KIFC2: variants seen among roughly 807,000 people sequenced by gnomAD.
The protein encoded by KIFC2 is kinesin-like protein KIFC2.
KIFC2 carries 94 observed loss-of-function variants against 91.5 expected under a neutral mutation model. The observed-to-expected ratio is 1.03, with a 90% CI of 0.87 to 1.22. The LOEUF (loss-of-function observed/expected upper bound fraction) is 1.22. Among genes scored for constraint, KIFC2 ranks in the 50% most tolerant of loss-of-function variants. KIFC2 has a pLI of 0.00. For synonymous variants in KIFC2, 729 were observed against 503.9 expected, an observed-to-expected ratio of 1.45 and a Z score of -5.98; for missense variants, 1,357 against 1,103.3, an observed-to-expected ratio of 1.23 and a Z score of -3.26.
intron 10 of KIFC2, among the ~76,000 whole-genome samples, 176 bp downstream of exon 10, chr8:144,469,010 A>G (rs1278790252): frequency 6.6e-6 from 1 of 152,098 alleles, no homozygotes; most frequent in Non-Finnish European, 1.5e-5. Flanking sequence ...TTCTATGCAT[A>G]CTTGGTTGAC....
At chr8:144,472,071 G>A in intron 13 of KIFC2, 25 bp downstream of exon 13, 1 of 1,613,400 alleles carries the variant, frequency 6.2e-7, no homozygotes, top group Admixed American at 1.7e-5. Flanking sequence ...ACGCCCCAGT[G>A]GGAGAGGCCC....
chr8:144,470,077 C>A (rs1487479966), intron 12 of KIFC2, among the ~76,000 whole-genome samples: 1 of 152,262 alleles, frequency 6.6e-6, no homozygotes, highest in Non-Finnish European at 1.5e-5. Flanking sequence ...CCAGCCCACC[C>A]CACTTTCACA....
chr8:144,470,535 A>G lies in KIFC2; in HGVS notation c.1380+888A>G, dbSNP rs181168100. 291 of 152,394 alleles carry G rather than the reference A, an allele frequency of 1.9e-3. 1 individual carries two copies. Among genetic ancestry groups the G allele is most frequent in the Non-Finnish European group, 2.5e-3 (173 of 68,046 alleles). The allele number at this position is 152,394 out of a possible 1,614,324, so 9.4% of individuals were successfully genotyped here. ...ATCCAATCATGGAACCTCAGTGACC[A>G]CACAGAACACAGAATTCTAGATTCT... is the stretch of plus-strand genomic sequence containing the variant. On this transcript the variant is annotated intron_variant, in intron 12 of 17. Transcript: ENST00000645548.
chr8:144,469,655 C>A lies in KIFC2; in HGVS notation c.1380+8C>A. The A allele has an allele frequency of 6.3e-7, 1 of 1,584,954 alleles. No individual in the cohort carries two copies. Among genetic ancestry groups the A allele is most frequent in the Admixed American group, 1.8e-5 (1 of 57,136 alleles). ...GACGCCAGCCAGGAGGAGGTGACAG[C>A]CTGCCTTTGCAGCCATCCTGACCCT... On this transcript the variant is annotated splice_region_variant and intron_variant, in intron 12 of 17. Coordinates refer to ENST00000645548, the MANE Select transcript of KIFC2 (RefSeq NM_001369769.2).
chr8:144,471,243 G>A (rs941122567), intron 12 of KIFC2, among the ~76,000 whole-genome samples: 5 of 151,808 alleles, frequency 3.3e-5, no homozygotes, highest in African/African-American at 1.2e-4. Context: ...GTTTACAGGC[G>A]TGAGCCACCT....
At position 144,473,724 on chromosome 8, in the gene KIFC2, G is replaced by T. The variant is rs972909820; in HGVS notation, c.*335G>T. ...TCACCACTCCTGACCCAAAAATCAG[G>T]CATGGCATTAAAACGTTGCAAATTC... On this transcript the variant is annotated 3_prime_UTR_variant, in exon 18 of 18. Coordinates refer to ENST00000645548, the MANE Select transcript of KIFC2 (RefSeq NM_001369769.2). 1.1e-5 allele frequency: 5 copies of T among 457,404 alleles called. No individual in the cohort carries two copies. The highest frequency in any genetic ancestry group is 1.0e-4 in the African/African-American group (5 of 49,114). 28.3% of individuals were successfully genotyped at this position (457,404 alleles called of 1,614,324 possible).
Position 144,473,896 on chromosome 8 carries a change from C to T in KIFC2, c.*507C>T. The T allele has an allele frequency of 4.7e-6, 2 of 422,802 alleles. No individual in the cohort carries two copies. The highest frequency in any genetic ancestry group is 4.3e-5 in the South Asian group (1 of 23,414). 26.2% of individuals were successfully genotyped at this position (422,802 alleles called of 1,614,324 possible). A position where few individuals can be genotyped will look rare whatever the true frequency, so the allele number is the denominator to read the frequency against. On this transcript the variant is annotated 3_prime_UTR_variant, in exon 18 of 18. Transcript: ENST00000645548. ...TGGATCCACCACTGGGCTCTCCCTC[C>T]CCCAGCCTGGAGCACGGGAGGGGAG...
intron 2 of KIFC2, 32 bp from the exon 3 acceptor site, chr8:144,466,927 A>G (rs1463241673): frequency 1.9e-6 from 3 of 1,578,504 alleles, no homozygotes; most frequent in South Asian, 1.1e-5. Flanking sequence ...ACGTGACCCG[A>G]AATGTCTCCC....
At position 144,473,397 on chromosome 8, in the gene KIFC2, TC is replaced by T; in HGVS notation, c.*9del. On this transcript the variant is annotated 3_prime_UTR_variant, in exon 18 of 18. Coordinates refer to ENST00000645548, the MANE Select transcript of KIFC2 (RefSeq NM_001369769.2). Reference sequence around the variant, plus strand: ...GAGGGCCTGCCCCTCTAGTCCTGGGTCGCGGCCCTGCCCATGGGGTCTCAGG... The same window carrying T: ...GAGGGCCTGCCCCTCTAGTCCTGGGTGCGGCCCTGCCCATGGGGTCTCAGG... 2 of 1,574,026 alleles carry T rather than the reference TC, an allele frequency of 1.3e-6. No individual in the cohort carries two copies. The highest frequency in any genetic ancestry group is 1.7e-6 in the Non-Finnish European group (2 of 1,165,446).
intron 12 of KIFC2, 103 bp downstream of exon 12, chr8:144,469,750 G>T: frequency 7.2e-7 from 1 of 1,383,142 alleles, no homozygotes; most frequent in East Asian, 2.3e-5. Context: ...CCACCTGGAG[G>T]AGAGAGGGTG....
intron 12 of KIFC2, among the ~76,000 whole-genome samples, chr8:144,471,636 C>T (rs1055418420): frequency 2.6e-5 from 4 of 152,272 alleles, no homozygotes; most frequent in Non-Finnish European, 4.4e-5. Flanking sequence ...ACCACACCTG[C>T]GCTCTTAACT....
At chr8:144,468,515 G>A (rs747194852) in intron 8 of KIFC2, 21 bp from the exon 9 acceptor site, 4 of 1,554,072 alleles carry the variant, frequency 2.6e-6, no homozygotes, top group East Asian at 2.4e-5. Context: ...TCAGTGACAG[G>A]GGTGGGGTTG....
At chr8:144,471,342 C>T (rs1824916713) in intron 12 of KIFC2, among the ~76,000 whole-genome samples, 1 of 147,676 alleles carries the variant, frequency 6.8e-6, no homozygotes, top group African/African-American at 2.5e-5. Context: ...TGGACAGTCA[C>T]ACTTTGTCAT....
Position 144,468,650 on chromosome 8 carries a change from G to C in KIFC2, c.1003G>C (p.Gly335Arg). Residue 335 changes from glycine to arginine, a missense_variant and splice_region_variant, in exon 9 of 18, where the codon GGA becomes CGA. Physicochemically the swap from Gly to Arg is moderately radical, Grantham distance 125. Transcript: ENST00000645548. The stretch of plus-strand genomic sequence containing the variant: ...ACAGCAGATGCATGGGCAGCTGGCA[G>C]GTAAGGGTTGGGGTTGGGGCTCATG... ...ELQQMHGQLA[G>R]LRARMASLRQ... is the part of the protein sequence containing the mutation. 6.2e-7 allele frequency: 1 copy of C among 1,613,480 alleles called. No homozygotes were observed. The highest frequency in any genetic ancestry group is 8.5e-7 in the Non-Finnish European group (1 of 1,179,614).
chr8:144,466,269 C>T (rs967384323), upstream of KIFC2: 20 of 211,006 alleles, frequency 9.5e-5, no homozygotes, highest in Admixed American at 1.0e-3. Context: ...CTAGTACCCC[C>T]GTCCCCGCGC....
Position 144,467,061 on chromosome 8 carries a change from T to C in KIFC2, c.281T>C (p.Val94Ala). ...ALLRLAEFLS[V>A]QLGAEESCGG... is the part of the protein sequence containing the mutation. ...CTGCGCCTCGCCGAGTTCCTCTCCG[T>C]CCAGCTGGGGGCGGAAGAGAGCTGC... Residue 94 changes from valine (V) to alanine (A), a missense_variant, in exon 3 of 18, where the codon GTC (valine) becomes GCC (alanine). Transcript: ENST00000645548. 6.3e-7 allele frequency: 1 copy of C among 1,596,054 alleles called. No homozygotes were observed. The highest frequency in any genetic ancestry group is 8.5e-7 in the Non-Finnish European group (1 of 1,171,816).
At chr8:144,471,190 C>T (rs11989550) in intron 12 of KIFC2, among the ~76,000 whole-genome samples, 5,160 of 152,162 alleles carry the variant, frequency 0.034, 284 homozygotes, top group African/African-American at 0.12. Flanking sequence ...GTCTTGAACT[C>T]CTGACCTTGT....
At position 144,472,879 on chromosome 8, in the gene KIFC2, G is replaced by A. The variant is rs746043661; in HGVS notation, c.1946G>A (p.Gly649Asp). The A allele has an allele frequency of 6.6e-7, 1 of 1,525,790 alleles. No individual in the cohort carries two copies. The highest frequency in any genetic ancestry group is 1.4e-5 in the African/African-American group (1 of 69,616). The allele number at this position is 1,525,790 out of a possible 1,614,324, so 94.5% of individuals were successfully genotyped here. Residue 649 changes from glycine (G) to aspartate (D), a missense_variant, in exon 17 of 18, where the codon GGC becomes GAC. Coordinates refer to ENST00000645548, the MANE Select transcript of KIFC2 (RefSeq NM_001369769.2). ...GGCCCGCCGCGGGGAGACCCAGACG[G>A]CGCCCGGCGCCTGCGGGAGGCCCAG... is the stretch of plus-strand genomic sequence containing the variant. ...AAGPPRGDPD[G>D]ARRLREAQTI...
At position 144,473,580 on chromosome 8, in the gene KIFC2, A is replaced by ACCCCCCACCCC. The variant is rs1425212753; in HGVS notation, c.*197_*198insACCCCCCCCCC. On this transcript the variant is annotated 3_prime_UTR_variant, in exon 18 of 18. Transcript: ENST00000645548. Reference sequence around the variant, plus strand: ...GTGTGTTGTGCCTGCTGAAGTGATCACCCCCCGCCCCCAGCCCTGCATCAG... The same window carrying ACCCCCCACCCC: ...GTGTGTTGTGCCTGCTGAAGTGATCACCCCCCACCCCCCCCCCGCCCCCAGCCCTGCATCAG... The ACCCCCCACCCC allele has an allele frequency of 1.3e-6, 1 of 785,432 alleles. No homozygotes were observed. Among genetic ancestry groups the ACCCCCCACCCC allele is most frequent in the Non-Finnish European group, 1.8e-6 (1 of 543,538 alleles). The allele number at this position is 785,432 out of a possible 1,614,324, so 48.7% of individuals were successfully genotyped here.
Sources: allele counts gnomAD v4.1 joint callset (sites outside exome capture counted in the v4.1 genomes callset), GRCh38; gene constraint gnomAD v4.1.1; transcripts MANE v1.5; gene names NCBI Gene and HGNC (gene_info 2026-07-23, HGNC 2026-07-21).